CDH13: variants seen among roughly 807,000 people sequenced by gnomAD.
The protein encoded by CDH13 is cadherin-13.
Under a neutral mutation model 63.8 loss-of-function variants are expected in CDH13, and 24 were observed. That is an observed-to-expected ratio of 0.38 (90% CI 0.27 to 0.53). The LOEUF is 0.53. CDH13 is among the 20% of genes least tolerant of loss of function. CDH13 has a pLI of 0.85. For synonymous variants in CDH13, 503 were observed against 355.3 expected (o/e 1.42, Z -4.67); for missense variants, 1,049 against 903.1 (o/e 1.16, Z -2.07).
intron 6 of CDH13, among the ~76,000 whole-genome samples, chr16:83,442,281 C>A (rs985948689): frequency 6.6e-6 from 1 of 152,172 alleles, no homozygotes; most frequent in African/African-American, 2.4e-5. Context: ...TTCAGGATCC[C>A]ATCAGCCTTG....
chr16:83,664,348 A>G (rs973005890), intron 8 of CDH13, among the ~76,000 whole-genome samples: 1 of 152,126 alleles, frequency 6.6e-6, no homozygotes, highest in African/African-American at 2.4e-5. Context: ...AACAGACCAT[A>G]GTTCTTAGGC....
At chr16:83,292,930 A>G (rs1001608203) in intron 5 of CDH13, among the ~76,000 whole-genome samples, 2 of 152,194 alleles carry the variant, frequency 1.3e-5, no homozygotes, top group Non-Finnish European at 2.9e-5. Context: ...CTATTGGGTA[A>G]TTATATCAAA....
intron 4 of CDH13, among the ~76,000 whole-genome samples, chr16:83,139,946 G>A (rs964285360): frequency 6.6e-6 from 1 of 152,144 alleles, no homozygotes; most frequent in African/African-American, 2.4e-5. Flanking sequence ...AAGTTGTGGT[G>A]AGCCAAGATC....
chr16:82,831,398 T>C (rs566232176), intron 1 of CDH13, among the ~76,000 whole-genome samples: 9 of 145,580 alleles, frequency 6.2e-5, no homozygotes, highest in African/African-American at 1.5e-4. Flanking sequence ...TATATATCTT[T>C]CATTTTTTTT....
intron 5 of CDH13, among the ~76,000 whole-genome samples, chr16:83,303,424 G>A (rs945391059): frequency 6.6e-6 from 1 of 152,112 alleles, no homozygotes; most frequent in Non-Finnish European, 1.5e-5. Flanking sequence ...ACTTTTAGGG[G>A]GAATGAATAA....
At chr16:83,508,311 T>C (rs1188361837) in intron 7 of CDH13, 1 of 154,462 alleles carries the variant, frequency 6.5e-6, no homozygotes, top group Non-Finnish European at 1.5e-5. Flanking sequence ...GAAGATGGGG[T>C]AAAAAATTAG....
chr16:83,259,341 C>T (rs367818664), intron 5 of CDH13, among the ~76,000 whole-genome samples: 133 of 152,256 alleles, frequency 8.7e-4, no homozygotes, highest in African/African-American at 2.7e-3. Flanking sequence ...CAATGTTGGG[C>T]ACACAGCGAG....
intron 7 of CDH13, among the ~76,000 whole-genome samples, chr16:83,602,107 CAAAAAAAAAAAAAAAA>C (rs869202510): frequency 6.3e-4 from 5 of 7,960 alleles, no homozygotes; most frequent in Admixed American, 2.6e-3. Context: ...AGAACAACAA[CAAAAAAAAAAAAAAAA>C]AAAAAAAAAA....
chr16:83,445,288 G>GCTTTTATAATTTATAAAAGCTT (rs1442414777), intron 6 of CDH13, among the ~76,000 whole-genome samples: 1 of 136,014 alleles, frequency 7.4e-6, no homozygotes, highest in Non-Finnish European at 1.7e-5. Context: ...ATTTATAAAA[G>GCTTTTATAATTTATAAAAGCTT]GTTTTATAAA....
intron 2 of CDH13, among the ~76,000 whole-genome samples, chr16:82,956,035 T>G (rs1322588846): frequency 1.3e-5 from 2 of 152,184 alleles, no homozygotes; most frequent in African/African-American, 4.8e-5. Context: ...TTCATTGAAC[T>G]CTCCAAGTGC....
chr16:83,505,531 C>G (rs1174180487), intron 7 of CDH13, among the ~76,000 whole-genome samples: 3 of 97,378 alleles, frequency 3.1e-5, no homozygotes, highest in Admixed American at 2.4e-4. Context: ...GTGATTAATC[C>G]TTTTTTTTTT....
chr16:83,684,617 C>A (rs906732084), intron 10 of CDH13, among the ~76,000 whole-genome samples: 1 of 152,182 alleles, frequency 6.6e-6, no homozygotes, highest in Non-Finnish European at 1.5e-5. Flanking sequence ...TCAGACAGAA[C>A]TCATCTTGCC....
chr16:83,556,949 G>A (rs751110484), intron 7 of CDH13, among the ~76,000 whole-genome samples: 17 of 152,138 alleles, frequency 1.1e-4, no homozygotes, highest in East Asian at 1.9e-4. Flanking sequence ...ACTCTCAACC[G>A]ATTTTCTACA....
intron 1 of CDH13, among the ~76,000 whole-genome samples, chr16:82,685,886 G>T (rs1159492204): frequency 6.6e-6 from 1 of 152,106 alleles, no homozygotes; most frequent in African/African-American, 2.4e-5. Flanking sequence ...TTTTTGATAC[G>T]TGGTTTTCAG....
intron 1 of CDH13, among the ~76,000 whole-genome samples, chr16:82,835,419 T>C (rs575709890): frequency 1.8e-4 from 28 of 152,298 alleles, no homozygotes; most frequent in African/African-American, 6.5e-4. Flanking sequence ...ACCCCAATTT[T>C]AGCTGGAGGG....
chr16:83,394,173 C>G (rs1333507061), intron 6 of CDH13, among the ~76,000 whole-genome samples: 3 of 151,836 alleles, frequency 2.0e-5, no homozygotes, highest in Non-Finnish European at 2.9e-5. Context: ...AGGAAATAAT[C>G]TGTACATGAA....
At chr16:83,722,017 A>C (rs1473182051) in intron 10 of CDH13, among the ~76,000 whole-genome samples, 1 of 152,154 alleles carries the variant, frequency 6.6e-6, no homozygotes. Flanking sequence ...GTCCATGTGC[A>C]AAAGAGCACT....
At chr16:83,602,170 C>T (rs1907909402) in intron 7 of CDH13, among the ~76,000 whole-genome samples, 1 of 115,482 alleles carries the variant, frequency 8.7e-6, no homozygotes, top group South Asian at 2.8e-4. Flanking sequence ...TACCCAAGCC[C>T]AGGAAATGGA....
chr16:83,493,749 A>C (rs1354441170), intron 7 of CDH13, among the ~76,000 whole-genome samples: 2 of 152,260 alleles, frequency 1.3e-5, no homozygotes, highest in African/African-American at 2.4e-5. Context: ...GGAAACCACC[A>C]TTATTTAAAC....
Sources: allele counts gnomAD v4.1 joint callset (sites outside exome capture counted in the v4.1 genomes callset), GRCh38; gene constraint gnomAD v4.1.1; transcripts MANE v1.5; gene names NCBI Gene and HGNC (gene_info 2026-07-23, HGNC 2026-07-21).